RANBP2: variants seen among roughly 807,000 people sequenced by gnomAD.
RANBP2 encodes the protein E3 SUMO-protein ligase RanBP2.
RANBP2 carries 57 observed loss-of-function variants against 303.6 expected under a neutral mutation model. The ratio of observed to expected loss-of-function variants is 0.19; its 90% CI spans 0.15 to 0.23. The LOEUF (loss-of-function observed/expected upper bound fraction) is 0.23, where lower values mean the gene tolerates loss of function less well. Among genes scored for constraint, RANBP2 ranks in the 10% least tolerant of loss-of-function variants. The probability of loss-of-function intolerance (pLI) is 1.00; values close to 1 mark genes in which losing one functional copy is unlikely to be tolerated. For missense variants in RANBP2, 3,138 were observed against 3,780.8 expected, an observed-to-expected ratio of 0.83 and a Z score of 4.46; for synonymous variants, 1,167 against 1,301.5, an observed-to-expected ratio of 0.90 and a Z score of 2.23.
chr2:109,091,728 T>G, the RANBP2 span, among the ~76,000 whole-genome samples: 1 of 152,236 alleles, frequency 6.6e-6, no homozygotes, highest in Non-Finnish European at 1.5e-5. Context: ...GGGCTGGCTC[T>G]GGTACTGTCT....
the RANBP2 span, among the ~76,000 whole-genome samples, chr2:109,554,935 T>C: frequency 6.6e-6 from 1 of 152,202 alleles, no homozygotes. Context: ...CCTATCTCCC[T>C]ATCTTATCAA....
At chr2:109,740,424 C>T in the RANBP2 span, among the ~76,000 whole-genome samples, 1 of 152,152 alleles carries the variant, frequency 6.6e-6, no homozygotes, top group East Asian at 1.9e-4. Context: ...ATTCAGCAGG[C>T]ATAAAATCAT....
At chr2:109,327,659 T>G in the RANBP2 span, among the ~76,000 whole-genome samples, 1 of 152,234 alleles carries the variant, frequency 6.6e-6, no homozygotes, top group Non-Finnish European at 1.5e-5. Context: ...TTTAGTAAAA[T>G]TGCATAATAT....
In RANBP2 at chr2:108,784,865, G is replaced by A. The variant is rs1369227053; in HGVS notation, c.*964G>A. The A allele has an allele frequency of 6.6e-6, 1 of 152,410 alleles. No individual in the cohort carries two copies. Among genetic ancestry groups the A allele is most frequent in the African/African-American group, 2.4e-5 (1 of 41,406 alleles). 9.4% of individuals were successfully genotyped at this position (152,410 alleles called of 1,614,324 possible). A position where few individuals can be genotyped will look rare whatever the true frequency, so the allele number is the denominator to read the frequency against. ...AAGTAAGGAAGACAATTTAAAGGCA[G>A]TAAATTCAAACTGCTGCATAATTTC... On this transcript the variant is annotated 3_prime_UTR_variant, in exon 29 of 29. Transcript: ENST00000283195.
chr2:108,892,186 G>A, the RANBP2 span, among the ~76,000 whole-genome samples: 1 of 152,102 alleles, frequency 6.6e-6, no homozygotes, highest in Admixed American at 6.5e-5. Flanking sequence ...GGGCTGGTAG[G>A]TGAGAATGTA....
chr2:108,790,245 G>T (rs1052916039), downstream of RANBP2, among the ~76,000 whole-genome samples: 8 of 152,128 alleles, frequency 5.3e-5, no homozygotes, highest in African/African-American at 1.9e-4. Flanking sequence ...GGTAAGGAAA[G>T]TGAAAATTGC....
chr2:109,218,777 T>C, the RANBP2 span, among the ~76,000 whole-genome samples: 1 of 152,198 alleles, frequency 6.6e-6, no homozygotes, highest in Admixed American at 6.5e-5. Context: ...TCTGACTATA[T>C]TTGCTGTTTC....
At chr2:109,454,680 T>G in the RANBP2 span, among the ~76,000 whole-genome samples, 1 of 152,128 alleles carries the variant, frequency 6.6e-6, no homozygotes, top group Non-Finnish European at 1.5e-5. Flanking sequence ...ATAAACAGAA[T>G]GAAACAGGGT....
chr2:109,449,576 C>T, the RANBP2 span: 2 of 1,477,860 alleles, frequency 1.4e-6, no homozygotes, highest in African/African-American at 1.4e-5. Flanking sequence ...GGCATTTGTG[C>T]AATTGAAGCT....
At chr2:109,742,621 C>T in the RANBP2 span, among the ~76,000 whole-genome samples, 1 of 146,540 alleles carries the variant, frequency 6.8e-6, no homozygotes, top group Non-Finnish European at 1.5e-5. Flanking sequence ...AGATCCAATA[C>T]AATCCTAATA....
chr2:108,884,292 G>C, the RANBP2 span: 1 of 152,190 alleles, frequency 6.6e-6, no homozygotes, highest in Non-Finnish European at 1.5e-5. Flanking sequence ...TGGTCTCCCA[G>C]ATTGTGAATG....
the RANBP2 span, among the ~76,000 whole-genome samples, chr2:109,175,348 C>G: frequency 6.6e-6 from 1 of 152,182 alleles, no homozygotes; most frequent in African/African-American, 2.4e-5. Flanking sequence ...TCCTGCAGCA[C>G]AGAAACAAAG....
chr2:109,176,436 T>C, the RANBP2 span, among the ~76,000 whole-genome samples: 1 of 152,126 alleles, frequency 6.6e-6, no homozygotes, highest in Non-Finnish European at 1.5e-5. Context: ...AATTTCTTGA[T>C]CAAAAGGCAT....
At chr2:109,593,134 C>G in the RANBP2 span, 1 of 1,576,948 alleles carries the variant, frequency 6.3e-7, no homozygotes. Flanking sequence ...AAAAGGAATA[C>G]AAAGGCTTAA....
At chr2:109,138,166 C>T in the RANBP2 span, among the ~76,000 whole-genome samples, 1 of 152,178 alleles carries the variant, frequency 6.6e-6, no homozygotes, top group Non-Finnish European at 1.5e-5. Flanking sequence ...TAGGCGAGCA[C>T]CACCACGCCC....
the RANBP2 span, among the ~76,000 whole-genome samples, chr2:108,964,415 G>T: frequency 6.6e-6 from 1 of 152,120 alleles, no homozygotes; most frequent in East Asian, 1.9e-4. Context: ...AAAGGGATCA[G>T]GTCATGGAGC....
chr2:109,258,026 A>G, the RANBP2 span, among the ~76,000 whole-genome samples: 2 of 152,102 alleles, frequency 1.3e-5, no homozygotes, highest in African/African-American at 2.4e-5. Context: ...CTGTGCACAC[A>G]TGTACACTTT....
the RANBP2 span, among the ~76,000 whole-genome samples, chr2:109,743,498 T>C: frequency 6.9e-6 from 1 of 145,930 alleles, no homozygotes; most frequent in Non-Finnish European, 1.5e-5. Context: ...ACAATTGCTG[T>C]TCTGTGAAAG....
the RANBP2 span, among the ~76,000 whole-genome samples, chr2:109,599,846 T>C: frequency 6.6e-6 from 1 of 152,230 alleles, no homozygotes; most frequent in Non-Finnish European, 1.5e-5. Flanking sequence ...AAATTTATTA[T>C]AGAAAAAATA....
Sources: allele counts gnomAD v4.1 joint callset (sites outside exome capture counted in the v4.1 genomes callset), GRCh38; gene constraint gnomAD v4.1.1; transcripts MANE v1.5; gene names NCBI Gene and HGNC (gene_info 2026-07-23, HGNC 2026-07-21).